SORCS2: variants seen among roughly 807,000 people sequenced by gnomAD.
The protein encoded by SORCS2 is VPS10 domain-containing receptor SorCS2.
SORCS2 carries 100 observed loss-of-function variants against 141.6 expected under a neutral mutation model. That is an observed-to-expected ratio of 0.71 (90% CI 0.60 to 0.83). SORCS2 has a LOEUF of 0.83. SORCS2 is among the 40% of genes least tolerant of loss of function. The pLI, the probability that SORCS2 is intolerant of heterozygous loss-of-function variation, is 0.00. For synonymous variants in SORCS2, 789 were observed against 676.9 expected, an observed-to-expected ratio of 1.17 and a Z score of -2.57; for missense variants, 1,646 against 1,560.2, an observed-to-expected ratio of 1.05 and a Z score of -0.93.
chr4:7,697,049 C>G (rs1724757385), intron 11 of SORCS2, 149 bp from the exon 12 acceptor site: 2 of 644,224 alleles, frequency 3.1e-6, no homozygotes, highest in South Asian at 1.9e-5. Flanking sequence ...ACCCAGGGCC[C>G]CAGCGCAGCA....
At chr4:7,287,493 G>GA (rs1158838026) in intron 1 of SORCS2, among the ~76,000 whole-genome samples, 1 of 152,244 alleles carries the variant, frequency 6.6e-6, no homozygotes, top group Non-Finnish European at 1.5e-5. Flanking sequence ...GGGGAGACGG[G>GA]AACCTTGTCT....
chr4:7,351,646 ATCCCTTCCTC>A (rs910737546), intron 1 of SORCS2, among the ~76,000 whole-genome samples: 15 of 150,210 alleles, frequency 1.0e-4, no homozygotes, highest in South Asian at 4.3e-4. Flanking sequence ...CCCTCCTCCT[ATCCCTTCCTC>A]TCCCTTCCTC....
intron 1 of SORCS2, among the ~76,000 whole-genome samples, chr4:7,357,214 G>C (rs1721310839): frequency 6.6e-6 from 1 of 152,180 alleles, no homozygotes; most frequent in African/African-American, 2.4e-5. Context: ...CTGCCCCGGG[G>C]ACTCGGGAGG....
intron 3 of SORCS2, among the ~76,000 whole-genome samples, chr4:7,591,142 C>A (rs1022130474): frequency 2.0e-5 from 3 of 152,178 alleles, no homozygotes; most frequent in African/African-American, 7.2e-5. Flanking sequence ...TTAGCTCACT[C>A]TTCCTGCTTC....
intron 3 of SORCS2, among the ~76,000 whole-genome samples, chr4:7,617,491 T>C (rs1718844416): frequency 6.6e-6 from 1 of 152,214 alleles, no homozygotes; most frequent in South Asian, 2.1e-4. Context: ...ATCTGCTGTC[T>C]GACGTCAAGG....
chr4:7,709,231 C>A (rs557951765), intron 14 of SORCS2, among the ~76,000 whole-genome samples: 128 of 152,338 alleles, frequency 8.4e-4, no homozygotes, highest in Non-Finnish European at 1.6e-3. Flanking sequence ...GGCCCTTACT[C>A]CTCACACAGA....
At chr4:7,450,436 C>T (rs956911777) in intron 2 of SORCS2, among the ~76,000 whole-genome samples, 1 of 152,216 alleles carries the variant, frequency 6.6e-6, no homozygotes, top group Non-Finnish European at 1.5e-5. Flanking sequence ...GAGTGTCAGG[C>T]GAGGCCCCAT....
intron 1 of SORCS2, among the ~76,000 whole-genome samples, chr4:7,322,466 C>T (rs539775220): frequency 8.5e-5 from 13 of 152,188 alleles, no homozygotes; most frequent in Non-Finnish European, 1.3e-4. Flanking sequence ...TCCCGCTGCA[C>T]GGGAAGGCCA....
chr4:7,254,643 C>T (rs115650979), intron 1 of SORCS2, among the ~76,000 whole-genome samples: 1 of 151,990 alleles, frequency 6.6e-6, no homozygotes, highest in Non-Finnish European at 1.5e-5. Context: ...TAAATCTGTA[C>T]AAATAAAAAG....
chr4:7,608,807 C>T (rs1718218598), intron 3 of SORCS2, among the ~76,000 whole-genome samples: 1 of 152,062 alleles, frequency 6.6e-6, no homozygotes, highest in African/African-American at 2.4e-5. Flanking sequence ...TCAGCATTTG[C>T]CGAGCATCTG....
intron 14 of SORCS2, among the ~76,000 whole-genome samples, chr4:7,708,416 C>T (rs1725612407): frequency 1.3e-5 from 2 of 152,282 alleles, no homozygotes; most frequent in South Asian, 4.1e-4. Flanking sequence ...AAGGCGAGGG[C>T]CCCCTTCACT....
At chr4:7,554,416 C>A (rs985152369) in intron 3 of SORCS2, among the ~76,000 whole-genome samples, 2 of 152,132 alleles carry the variant, frequency 1.3e-5, no homozygotes, top group African/African-American at 2.4e-5. Flanking sequence ...GTGGGACCTT[C>A]CTCTTCCTGC....
chr4:7,395,212 G>T (rs2091719367), intron 1 of SORCS2, among the ~76,000 whole-genome samples: 1 of 152,216 alleles, frequency 6.6e-6, no homozygotes, highest in African/African-American at 2.4e-5. Flanking sequence ...GGGAAAGAAA[G>T]ATACTAGGTC....
intron 10 of SORCS2, among the ~76,000 whole-genome samples, chr4:7,685,046 C>T (rs756282444): frequency 1.3e-5 from 2 of 152,234 alleles, no homozygotes; most frequent in Non-Finnish European, 2.9e-5. Context: ...TAACACCTGT[C>T]GACCTGTGTG....
At chr4:7,510,985 G>C (rs1312936682) in intron 2 of SORCS2, among the ~76,000 whole-genome samples, 1 of 152,216 alleles carries the variant, frequency 6.6e-6, no homozygotes, top group Admixed American at 6.5e-5. Context: ...TAGGTCCCCT[G>C]CTTTCCCTGT....
At chr4:7,521,770 A>G (rs1733344863) in intron 2 of SORCS2, among the ~76,000 whole-genome samples, 1 of 152,170 alleles carries the variant, frequency 6.6e-6, no homozygotes, top group Non-Finnish European at 1.5e-5. Flanking sequence ...TTCCCCATAT[A>G]TAAAGTGCAG....
intron 2 of SORCS2, among the ~76,000 whole-genome samples, chr4:7,494,340 G>A (rs1205280480): frequency 1.3e-5 from 2 of 152,152 alleles, no homozygotes; most frequent in South Asian, 2.1e-4. Context: ...ATCTTGTGGC[G>A]AATGGCTTAG....
intron 2 of SORCS2, among the ~76,000 whole-genome samples, chr4:7,429,725 T>G (rs1224672506): frequency 2.0e-5 from 3 of 152,098 alleles, no homozygotes; most frequent in African/African-American, 7.2e-5. Context: ...CACAGAGTGG[T>G]GGGGTCAGGA....
At chr4:7,218,821 C>T (rs16839840) in intron 1 of SORCS2, among the ~76,000 whole-genome samples, 30,356 of 152,166 alleles carry the variant, frequency 0.2, 3,352 homozygotes, top group African/African-American at 0.3. Flanking sequence ...AGTTCATGTC[C>T]GGGAAATGCT....
Sources: gnomAD v4.1 joint callset for allele counts (sites outside exome capture counted in the v4.1 genomes callset) on GRCh38, gnomAD v4.1.1 for gene constraint, MANE v1.5 for transcripts, NCBI Gene and HGNC (gene_info 2026-07-23, HGNC 2026-07-21) for gene names.